The following RIMS1 variants were observed in gnomAD, a reference collection of about 807,000 sequenced individuals.
RIMS1 encodes regulating synaptic membrane exocytosis 1, also known as regulating synaptic membrane exocytosis protein 1.
RIMS1 carries 83 observed loss-of-function variants against 214.1 expected under a neutral mutation model. That is an observed-to-expected ratio of 0.39 (90% CI 0.32 to 0.47). The LOEUF is 0.47. Among genes scored for constraint, RIMS1 ranks in the 20% least tolerant of loss-of-function variants. RIMS1 has a pLI of 0.99. For missense variants in RIMS1, 2,050 were observed against 2,161.8 expected (o/e 0.95, Z 1.03); for synonymous variants, 793 against 786.8 (o/e 1.01, Z -0.13).
At chr6:72,385,177 C>T (rs1368191291) in intron 29 of RIMS1, among the ~76,000 whole-genome samples, 1 of 152,066 alleles carries the variant, frequency 6.6e-6, no homozygotes, top group Non-Finnish European at 1.5e-5. Flanking sequence ...TTGTAGTAGA[C>T]TTTATGTCTT....
intron 22 of RIMS1, among the ~76,000 whole-genome samples, chr6:72,273,867 G>T (rs927339342): frequency 6.6e-6 from 1 of 152,086 alleles, no homozygotes; most frequent in African/African-American, 2.4e-5. Context: ...ACTTAACTGT[G>T]CTCCTTACTT....
At chr6:72,202,113 A>T (rs1647464067) in intron 6 of RIMS1, among the ~76,000 whole-genome samples, 1 of 152,218 alleles carries the variant, frequency 6.6e-6, no homozygotes, top group Non-Finnish European at 1.5e-5. Flanking sequence ...TTTTAAAAGC[A>T]CATGTTTCAT....
At chr6:71,888,606 G>C (rs1768592015) in intron 1 of RIMS1, among the ~76,000 whole-genome samples, 1 of 152,170 alleles carries the variant, frequency 6.6e-6, no homozygotes, top group Non-Finnish European at 1.5e-5. Flanking sequence ...TTCACAGACC[G>C]ATGGTTCCCC....
intron 28 of RIMS1, among the ~76,000 whole-genome samples, chr6:72,326,976 G>A (rs2096493757): frequency 6.6e-6 from 1 of 151,574 alleles, no homozygotes; most frequent in Non-Finnish European, 1.5e-5. Context: ...ACAGAGGAAG[G>A]GGCCATCAGT....
intron 26 of RIMS1, 56 bp from the exon 27 acceptor site, chr6:72,307,202 A>C: frequency 9.2e-7 from 1 of 1,081,728 alleles, no homozygotes; most frequent in Admixed American, 2.0e-5. Flanking sequence ...TAAACCATTC[A>C]GTTCCTGAAA....
intron 29 of RIMS1, among the ~76,000 whole-genome samples, chr6:72,341,442 G>A (rs552753910): frequency 3.3e-5 from 5 of 151,838 alleles, no homozygotes; most frequent in African/African-American, 4.8e-5. Flanking sequence ...AATAAGCTCC[G>A]TACAACTGAG....
chr6:71,930,046 A>G (rs543458954), intron 1 of RIMS1, among the ~76,000 whole-genome samples: 1 of 152,204 alleles, frequency 6.6e-6, no homozygotes, highest in African/African-American at 2.4e-5. Flanking sequence ...TAAATCCTGA[A>G]AGTCCCAAGT....
At chr6:72,216,307 C>T (rs777329956) in intron 6 of RIMS1, 2 of 259,698 alleles carry the variant, frequency 7.7e-6, no homozygotes, top group Non-Finnish European at 1.2e-5. Flanking sequence ...CTACAGTCCT[C>T]AAAAATATGC....
At chr6:72,027,244 T>A (rs543773074) in intron 2 of RIMS1, among the ~76,000 whole-genome samples, 151 of 152,286 alleles carry the variant, frequency 9.9e-4, no homozygotes, top group African/African-American at 3.4e-3. Context: ...ACCCGGAACC[T>A]GAGCCCAGGA....
chr6:72,224,506 T>A (rs2154057489), intron 6 of RIMS1, among the ~76,000 whole-genome samples: 1 of 152,316 alleles, frequency 6.6e-6, no homozygotes, highest in Admixed American at 6.5e-5. Flanking sequence ...TTAGTCTAGG[T>A]CAGTGAGGCT....
At chr6:71,915,138 T>C (rs9446507) in intron 1 of RIMS1, among the ~76,000 whole-genome samples, 1 of 152,194 alleles carries the variant, frequency 6.6e-6, no homozygotes, top group Non-Finnish European at 1.5e-5. Flanking sequence ...GTGGGTATTA[T>C]TCAATGTTTT....
intron 6 of RIMS1, among the ~76,000 whole-genome samples, chr6:72,218,626 A>G (rs944579166): frequency 6.6e-6 from 1 of 152,200 alleles, no homozygotes; most frequent in Non-Finnish European, 1.5e-5. Flanking sequence ...AATAATTGCC[A>G]GTTTATAATG....
Position 72,049,216 on chromosome 6 carries a change from A to G in RIMS1, c.246-47733A>G, listed in dbSNP as rs150965241. 7.7e-3 allele frequency among the ~76,000 whole-genome samples: 1,179 copies of G among 152,236 alleles called. 11 individuals are homozygous for G. The highest frequency in any genetic ancestry group is 0.01 in the Admixed American group (157 of 15,280). On this transcript the variant is annotated intron_variant, in intron 2 of 33. Transcript: ENST00000521978. Reference sequence around the variant, plus strand: ...CAGCCTGGGCCCCATAAAGGACATAAGAACCGGGAAAATACTGCCTTGCCC... The same window carrying G: ...CAGCCTGGGCCCCATAAAGGACATAGGAACCGGGAAAATACTGCCTTGCCC...
chr6:72,002,546 T>A lies in RIMS1; in HGVS notation c.245+33483T>A, dbSNP rs78402373. On this transcript the variant is annotated intron_variant, in intron 2 of 33. Coordinates refer to ENST00000521978, the MANE Select transcript of RIMS1 (RefSeq NM_014989.7). ...TGCAGACGCTGCCACAGTGCTCCTATAAGCACATCATCCCAGTCAGGGAAG... is the reference window on the plus strand; with the variant it reads ...TGCAGACGCTGCCACAGTGCTCCTAAAAGCACATCATCCCAGTCAGGGAAG... Among the ~76,000 whole-genome samples, 703 of 152,232 alleles carry A rather than the reference T, an allele frequency of 4.6e-3. 6 individuals are homozygous for A. Among genetic ancestry groups the A allele is most frequent in the African/African-American group, 0.016 (659 of 41,546 alleles).
chr6:72,361,969 C>CTGTATTGTATTGTATTGTATTGTAT (rs71540338), intron 29 of RIMS1, among the ~76,000 whole-genome samples: 16 of 146,712 alleles, frequency 1.1e-4, no homozygotes, highest in African/African-American at 1.5e-4. Context: ...AGGACCATTA[C>CTGTATTGTATTGTATTGTATTGTAT]TGTATTGTAT....
chr6:72,104,589 G>GGA (rs145772245), intron 4 of RIMS1, among the ~76,000 whole-genome samples: 14 of 152,178 alleles, frequency 9.2e-5, no homozygotes, highest in South Asian at 4.2e-4. Context: ...TCAGAACTGG[G>GGA]GAGAGAGAGA....
chr6:71,991,345 A>C (rs989564803), intron 2 of RIMS1, among the ~76,000 whole-genome samples: 3 of 152,054 alleles, frequency 2.0e-5, no homozygotes, highest in African/African-American at 7.2e-5. Flanking sequence ...AAAATGCCTA[A>C]TTCTATACTG....
chr6:72,061,818 T>A (rs1827941695), intron 2 of RIMS1, among the ~76,000 whole-genome samples: 1 of 152,270 alleles, frequency 6.6e-6, no homozygotes, highest in African/African-American at 2.4e-5. Flanking sequence ...AGAAAAGATT[T>A]ATAACACAAT....
intron 28 of RIMS1, among the ~76,000 whole-genome samples, chr6:72,331,286 C>T (rs2096650160): frequency 6.6e-6 from 1 of 151,694 alleles, no homozygotes; most frequent in Admixed American, 6.6e-5. Flanking sequence ...AGAATTCCAT[C>T]TTTATGGAAA....
Sources: gnomAD v4.1 joint callset for allele counts (sites outside exome capture counted in the v4.1 genomes callset) on GRCh38, gnomAD v4.1.1 for gene constraint, MANE v1.5 for transcripts, NCBI Gene and HGNC (gene_info 2026-07-23, HGNC 2026-07-21) for gene names.